GMEB2: variants seen among roughly 807,000 people sequenced by gnomAD.
The protein encoded by GMEB2 is glucocorticoid modulatory element-binding protein 2.
In GMEB2, 7 loss-of-function variants were observed where a neutral mutation model predicts 45.7. That is an observed-to-expected ratio of 0.15 (90% CI 0.09 to 0.29). The LOEUF (loss-of-function observed/expected upper bound fraction) is 0.29. GMEB2 is among the 10% of genes least tolerant of loss of function. GMEB2 has a pLI of 1.00. For missense variants in GMEB2, 582 were observed against 739.2 expected (o/e 0.79, Z 2.47); for synonymous variants, 322 against 323.6 (o/e 1.00, Z 0.05).
Position 63,590,329 on chromosome 20 carries a change from C to T in GMEB2, c.1353G>A (p.Ala451=), listed in dbSNP as rs144783295. The T allele has an allele frequency of 7.6e-3, 12,247 of 1,612,258 alleles. 65 individuals carry two copies. Among genetic ancestry groups the T allele is most frequent in the Non-Finnish European group, 9.1e-3 (10,738 of 1,179,614 alleles). ...YPSTVEIHPD[A]SSLTVLSTAA... is the part of the protein sequence containing the mutation. ...CCGTGCTCAGGACCGTGAGGCTGGA[C>T]GCGTCCGGGTGGATCTCCACTGTGC... The change falls in exon 10 of 10, where the codon GCG becomes GCA. Residue 451 remains alanine (A), a synonymous_variant. Transcript: ENST00000370077.
At position 63,590,332 on chromosome 20, in the gene GMEB2, G is replaced by T; in HGVS notation, c.1350C>A (p.Asp450Glu). ...TYPSTVEIHPDASSLTVLSTA... is the reference protein window; with the variant it reads ...TYPSTVEIHPEASSLTVLSTA... ...TGCTCAGGACCGTGAGGCTGGACGCGTCCGGGTGGATCTCCACTGTGCTGG... is the reference window on the plus strand; with the variant it reads ...TGCTCAGGACCGTGAGGCTGGACGCTTCCGGGTGGATCTCCACTGTGCTGG... Residue 450 changes from aspartate to glutamate, a missense_variant, in exon 10 of 10, where the codon GAC (aspartate) becomes GAA (glutamate). Around this residue, in one of 3 missense-constraint regions of GMEB2, gnomAD observed 462 missense variants for 586.7 expected, o/e 0.79. Coordinates refer to ENST00000370077, the MANE Select transcript of GMEB2 (RefSeq NM_012384.5). 1.9e-6 allele frequency: 3 copies of T among 1,612,176 alleles called. No individual in the cohort carries two copies. Among genetic ancestry groups the T allele is most frequent in the African/African-American group, 1.3e-5 (1 of 75,054 alleles).
chr20:63,598,416 T>G (rs1194368745), intron 4 of GMEB2, among the ~76,000 whole-genome samples: 20 of 151,942 alleles, frequency 1.3e-4, no homozygotes, highest in Admixed American at 1.2e-3. Flanking sequence ...CTTGCTAATT[T>G]CACCCATGTG....
rs2083152948 is a variant in GMEB2 at position 63,592,191 on chromosome 20, G to A, written c.830-47C>T. On this transcript the variant is annotated intron_variant, in intron 8 of 9. Coordinates refer to ENST00000370077, the MANE Select transcript of GMEB2 (RefSeq NM_012384.5). The surrounding 1 kb of genome is among the most constrained non-coding windows in gnomAD (Gnocchi z 8.2). ...TCAGTGAGAGCCCAAGCCCTTCCTA[G>A]AGAGCCACGCGGACGCTCGGTGAGA... 1 of 1,586,594 alleles carries A rather than the reference G, an allele frequency of 6.3e-7. No individual in the cohort carries two copies. The highest frequency in any genetic ancestry group is 1.3e-5 in the African/African-American group (1 of 74,370).
chr20:63,609,086 T>C (rs1601024275), intron 2 of GMEB2, among the ~76,000 whole-genome samples: 1 of 115,492 alleles, frequency 8.7e-6, no homozygotes, highest in Non-Finnish European at 1.9e-5. Context: ...CCTCCATTTC[T>C]AGAAACATGC....
chr20:63,625,660 C>G (rs2089666156), intron 1 of GMEB2, among the ~76,000 whole-genome samples: 1 of 151,800 alleles, frequency 6.6e-6, no homozygotes, highest in African/African-American at 2.4e-5. Context: ...TGCAATGGCA[C>G]CATCTCCACT....
intron 9 of GMEB2, among the ~76,000 whole-genome samples, chr20:63,591,303 AC>A (rs1414141096): frequency 6.6e-6 from 1 of 152,170 alleles, no homozygotes; most frequent in African/African-American, 2.4e-5. Context: ...CACACTGAAT[AC>A]ACACACATTG....
intron 1 of GMEB2, among the ~76,000 whole-genome samples, 161 bp downstream of exon 1, chr20:63,626,795 C>T (rs1467324258): frequency 6.8e-6 from 1 of 146,186 alleles, no homozygotes; most frequent in Non-Finnish European, 1.5e-5. Flanking sequence ...GCCGCCGTTG[C>T]GCCTGACGCC....
chr20:63,599,234 G>A (rs1372561725), intron 4 of GMEB2, among the ~76,000 whole-genome samples: 5 of 151,368 alleles, frequency 3.3e-5, no homozygotes, highest in African/African-American at 9.7e-5. Flanking sequence ...GAGCTAACTC[G>A]GCCCGCTCCT....
intron 2 of GMEB2, among the ~76,000 whole-genome samples, chr20:63,613,469 C>T (rs1369443174): frequency 6.6e-6 from 1 of 152,114 alleles, no homozygotes; most frequent in East Asian, 1.9e-4. Flanking sequence ...TAAGCCACAA[C>T]TGTGTACGAA....
intron 1 of GMEB2, 88 bp downstream of exon 1, chr20:63,626,868 C>G (rs914663285): frequency 6.8e-6 from 1 of 147,128 alleles, no homozygotes; most frequent in Admixed American, 6.8e-5. Context: ...TCCTGACGCT[C>G]CGCAGGGACC....
intron 1 of GMEB2, among the ~76,000 whole-genome samples, chr20:63,624,566 G>C (rs1026687397): frequency 4.6e-5 from 7 of 152,340 alleles, no homozygotes; most frequent in Admixed American, 2.6e-4. Context: ...GGCAACTAAA[G>C]TCATTTAAGC....
At position 63,613,660 on chromosome 20, in the gene GMEB2, G is replaced by A. The variant is rs1395685864; in HGVS notation, c.131+5607C>T. The stretch of plus-strand genomic sequence containing the variant: ...GCAGCCTCCCAACTGGATTACAGGC[G>A]CCCGCCACCACGCCTGGCTAATTTT... On this transcript the variant is annotated intron_variant, in intron 2 of 9. Transcript: ENST00000370077. Among the ~76,000 whole-genome samples the A allele has an allele frequency of 1.6e-4, 24 of 151,838 alleles. 1 individual carries two copies. Among genetic ancestry groups the A allele is most frequent in the South Asian group, 8.3e-4 (4 of 4,804 alleles).
At chr20:63,603,871 T>A (rs1197745606) in intron 3 of GMEB2, among the ~76,000 whole-genome samples, 1 of 151,362 alleles carries the variant, frequency 6.6e-6, no homozygotes, top group Non-Finnish European at 1.5e-5. Context: ...TGGCCCAACA[T>A]GGCAAAACCC....
At chr20:63,626,395 CTGGGGAT>C (rs2089672828) in intron 1 of GMEB2, among the ~76,000 whole-genome samples, 2 of 130,072 alleles carry the variant, frequency 1.5e-5, no homozygotes, top group Non-Finnish European at 3.4e-5. Context: ...GGGGTGGCCC[CTGGGGAT>C]CGCGTCCCTG....
chr20:63,592,914 C>T lies in GMEB2; in HGVS notation c.691+97G>A. The T allele has an allele frequency of 1.2e-6, 1 of 826,012 alleles. No individual in the cohort carries two copies. The highest frequency in any genetic ancestry group is 2.0e-6 in the Non-Finnish European group (1 of 490,778). The allele number at this position is 826,012 out of a possible 1,614,324, so 51.2% of individuals were successfully genotyped here. ...TTCTCCACAAAGACCCTGCCGGCCC[C>T]ACCTGGACTCCTGGAGCCCCTGTGT... is the stretch of plus-strand genomic sequence containing the variant. On this transcript the variant is annotated intron_variant, in intron 7 of 9. Transcript: ENST00000370077. This position sits in a 1 kb window ranked among gnomAD's most constrained non-coding sequence, Gnocchi z 8.2.
chr20:63,588,967 G>C lies in GMEB2; in HGVS notation c.*1122C>G. On this transcript the variant is annotated 3_prime_UTR_variant, in exon 10 of 10. Coordinates refer to ENST00000370077, the MANE Select transcript of GMEB2 (RefSeq NM_012384.5). ...GCTCCACCTTCGGCAGCTGCCCTGA[G>C]CAGCCCACCCGGGGCAGCCTCCTGA... is the stretch of plus-strand genomic sequence containing the variant. 1 of 398,926 alleles carries C rather than the reference G, an allele frequency of 2.5e-6. No individual in the cohort carries two copies. Among genetic ancestry groups the C allele is most frequent in the Non-Finnish European group, 4.4e-6 (1 of 226,298 alleles). 24.7% of individuals were successfully genotyped at this position (398,926 alleles called of 1,614,324 possible).
intron 2 of GMEB2, among the ~76,000 whole-genome samples, chr20:63,608,868 C>T (rs1569055383): frequency 1.7e-5 from 1 of 60,062 alleles, no homozygotes. Flanking sequence ...CCCTCTGACC[C>T]CACATCCATT....
intron 2 of GMEB2, among the ~76,000 whole-genome samples, chr20:63,606,534 A>T (rs908159497): frequency 1.3e-5 from 2 of 152,204 alleles, no homozygotes; most frequent in Non-Finnish European, 2.9e-5. Context: ...TTTTTGTTAG[A>T]GACAGGGTTT....
intron 6 of GMEB2, among the ~76,000 whole-genome samples, chr20:63,594,471 TG>T (rs1378404171): frequency 6.6e-5 from 10 of 152,158 alleles, no homozygotes; most frequent in African/African-American, 2.4e-4. Context: ...GCACTGAACC[TG>T]CCAGGCTGCC....
Sources: allele counts gnomAD v4.1 joint callset (sites outside exome capture counted in the v4.1 genomes callset), GRCh38; gene constraint gnomAD v4.1.1; regional missense constraint gnomAD v4.1.1; non-coding constraint Gnocchi (gnomAD v3.1); transcripts MANE v1.5; gene names NCBI Gene and HGNC (gene_info 2026-07-23, HGNC 2026-07-21).